SPMIP9: variants seen among roughly 807,000 people sequenced by gnomAD.
SPMIP9 encodes protein SPMIP9.
chr2:88,527,775 C>T, the SPMIP9 span, among the ~76,000 whole-genome samples: 1 of 152,126 alleles, frequency 6.6e-6, no homozygotes, highest in African/African-American at 2.4e-5. Flanking sequence ...AGAGTTTATC[C>T]ATTCCAGGAG....
chr2:88,526,719 C>T, the SPMIP9 span, among the ~76,000 whole-genome samples: 1 of 151,970 alleles, frequency 6.6e-6, no homozygotes, highest in Non-Finnish European at 1.5e-5. Context: ...GGCTGGAGTG[C>T]AGTGGCGCGA....
the SPMIP9 span, chr2:88,526,568 T>A: frequency 8.3e-6 from 10 of 1,200,792 alleles, no homozygotes; most frequent in Non-Finnish European, 1.2e-5. Context: ...TTCATTTGTA[T>A]TACAAATGTG....
the SPMIP9 span, chr2:88,525,734 C>G: frequency 1.3e-6 from 2 of 1,554,416 alleles, no homozygotes; most frequent in Non-Finnish European, 1.8e-6. Context: ...CAGCAAGGCC[C>G]TGGAAGGGCC....
At chr2:88,529,239 C>T in the SPMIP9 span, 1 of 1,614,176 alleles carries the variant, frequency 6.2e-7, no homozygotes, top group Non-Finnish European at 8.5e-7. Context: ...CGCAAGTTCA[C>T]CAGCACCTGC....
the SPMIP9 span, chr2:88,529,394 G>T: frequency 6.2e-7 from 1 of 1,614,098 alleles, no homozygotes. Context: ...GCTACTGCCA[G>T]GGTGTCCCTG....
At chr2:88,526,505 G>A in the SPMIP9 span, 1 of 1,608,714 alleles carries the variant, frequency 6.2e-7, no homozygotes, top group Non-Finnish European at 8.5e-7. Context: ...GAGGTAGGAA[G>A]GCACGCAAGT....
At chr2:88,528,525 G>A in the SPMIP9 span, among the ~76,000 whole-genome samples, 1 of 152,206 alleles carries the variant, frequency 6.6e-6, no homozygotes, top group Non-Finnish European at 1.5e-5. Flanking sequence ...TTCAGGGAAT[G>A]TGAATTCTAA....
chr2:88,526,390 C>G, the SPMIP9 span: 2 of 1,591,138 alleles, frequency 1.3e-6, no homozygotes, highest in Non-Finnish European at 1.7e-6. Context: ...GTTTTATATT[C>G]TCCTTGTGCT....
chr2:88,525,760 G>A, the SPMIP9 span: 3 of 1,357,502 alleles, frequency 2.2e-6, no homozygotes, highest in Non-Finnish European at 2.1e-6. Flanking sequence ...CTTTCTAGAA[G>A]CTCATCTTTC....
the SPMIP9 span, chr2:88,529,430 C>G: frequency 3.1e-6 from 5 of 1,613,926 alleles, no homozygotes; most frequent in Non-Finnish European, 4.2e-6. Flanking sequence ...AGTCAAGGTC[C>G]CCATCTTGAA....
chr2:88,529,009 T>A, the SPMIP9 span: 1 of 1,566,946 alleles, frequency 6.4e-7, no homozygotes, highest in Non-Finnish European at 8.7e-7. Flanking sequence ...CATCATCTCT[T>A]GTCTCTCTCA....
the SPMIP9 span, among the ~76,000 whole-genome samples, chr2:88,528,753 A>G: frequency 2.2e-4 from 34 of 152,044 alleles, no homozygotes; most frequent in Middle Eastern, 3.4e-3. Context: ...AGATATACAC[A>G]TACATGTTTA....
the SPMIP9 span, chr2:88,526,606 T>C: frequency 1.2e-6 from 1 of 803,364 alleles, no homozygotes; most frequent in Non-Finnish European, 2.1e-6. Flanking sequence ...TAGAACAATA[T>C]CCAATGCCAG....
At chr2:88,529,523 C>A in the SPMIP9 span, 1 of 1,504,028 alleles carries the variant, frequency 6.6e-7, no homozygotes, top group Non-Finnish European at 9.0e-7. Flanking sequence ...ATGTGGAAAT[C>A]CTATGACCTT....
chr2:88,526,786 A>G, the SPMIP9 span, among the ~76,000 whole-genome samples: 2 of 151,956 alleles, frequency 1.3e-5, no homozygotes, highest in African/African-American at 4.8e-5. Context: ...CTCCTGCCTC[A>G]ACTTCCTGAG....
the SPMIP9 span, chr2:88,529,156 C>G: frequency 1.2e-6 from 2 of 1,614,226 alleles, no homozygotes; most frequent in Non-Finnish European, 1.7e-6. Context: ...AAAGACCCCA[C>G]ATGACTGCCA....
chr2:88,529,045 T>A, the SPMIP9 span: 13 of 1,605,398 alleles, frequency 8.1e-6, no homozygotes, highest in Non-Finnish European at 1.1e-5. Flanking sequence ...GTGATTTGTT[T>A]CCACAGCAGG....
the SPMIP9 span, chr2:88,525,576 A>G: frequency 1.0e-5 from 16 of 1,596,326 alleles, no homozygotes; most frequent in Non-Finnish European, 1.4e-5. Flanking sequence ...CAGCTTGAAG[A>G]TAGTGGCTAC....
the SPMIP9 span, among the ~76,000 whole-genome samples, chr2:88,527,436 T>A: frequency 1.3e-4 from 19 of 149,184 alleles, no homozygotes; most frequent in Non-Finnish European, 2.9e-4. Flanking sequence ...GGGGCGAGAC[T>A]CTATCCCCCC....
Sources: gnomAD v4.1 joint callset for allele counts (sites outside exome capture counted in the v4.1 genomes callset) on GRCh38, gnomAD v4.1.1 for gene constraint, MANE v1.5 for transcripts, NCBI Gene and HGNC (gene_info 2026-07-23, HGNC 2026-07-21) for gene names.